OR8J1: variants seen among roughly 807,000 people sequenced by gnomAD.
The protein encoded by OR8J1 is olfactory receptor family 8 subfamily J member 1, also known as olfactory receptor 8J1.
For synonymous variants in OR8J1, 157 were observed against 144.3 expected (o/e 1.09, Z -0.63); for missense variants, 400 against 373.0 (o/e 1.07, Z -0.60).
rs759851747 is a variant in OR8J1, at chr11:56,361,189, AC to A, written c.944del (p.Thr315LysfsTer9). 1.5e-6 allele frequency: 2 copies of A among 1,305,486 alleles called. No homozygotes were observed. Among genetic ancestry groups the A allele is most frequent in the African/African-American group, 3.1e-5 (2 of 65,552 alleles). 80.9% of individuals were successfully genotyped at this position (1,305,486 alleles called of 1,614,324 possible). A position where few individuals can be genotyped will look rare whatever the true frequency, so the allele number is the denominator to read the frequency against. On this transcript the variant is annotated frameshift_variant, in exon 2 of 2. Transcript: ENST00000533152. LOFTEE classifies it high-confidence loss of function. ...GACAAATCTGTGCTATTCCTTTAAA[AC>A]AATGTAATTTTAAACAGTACAGGTA... is the stretch of plus-strand genomic sequence containing the variant. ...FMTNLCYSFK[T>X]M
rs1396884567 is a variant in OR8J1 at position 56,361,373 on chromosome 11, G to A, written c.*176G>A. ...ATTAAAAAATAAACTGAAACCCTTT[G>A]AGTTGTGAGGTTAAGTTAGAAAAAA... On this transcript the variant is annotated 3_prime_UTR_variant, in exon 2 of 2. Coordinates refer to ENST00000533152, the MANE Select transcript of OR8J1 (RefSeq NM_001005205.3). The A allele has an allele frequency of 7.6e-6, 3 of 395,878 alleles. No individual in the cohort carries two copies. The highest frequency in any genetic ancestry group is 4.4e-6 in the Non-Finnish European group (1 of 225,344). The allele number at this position is 395,878 out of a possible 1,614,324, so 24.5% of individuals were successfully genotyped here.
chr11:56,360,277 G>T lies in OR8J1; in HGVS notation c.31G>T (p.Glu11Ter). The T allele has an allele frequency of 6.3e-7, 1 of 1,589,190 alleles. No homozygotes were observed. Among genetic ancestry groups the T allele is most frequent in the South Asian group, 1.2e-5 (1 of 86,880 alleles). ...TCCTGAAAATTTCACCAGAGTCACT[G>T]AGTTTATTCTTACAGGTGTCTCTAG... is the stretch of plus-strand genomic sequence containing the variant. MAPENFTRVT[E>*]FILTGVSSCP... is the part of the protein sequence containing the mutation. Residue 11 changes from glutamate to a stop codon, truncating the protein, a stop_gained, in exon 2 of 2, where the codon GAG becomes TAG. Coordinates refer to ENST00000533152, the MANE Select transcript of OR8J1 (RefSeq NM_001005205.3). LOFTEE classifies it low-confidence loss of function (END_TRUNC).
chr11:56,359,603 T>C (rs1852606163), intron 1 of OR8J1, among the ~76,000 whole-genome samples: 1 of 152,048 alleles, frequency 6.6e-6, no homozygotes, highest in African/African-American at 2.4e-5. Flanking sequence ...TTCACCAATA[T>C]TATACATTGA....
intron 1 of OR8J1, among the ~76,000 whole-genome samples, chr11:56,359,519 G>A (rs894931241): frequency 2.0e-5 from 3 of 151,910 alleles, no homozygotes; most frequent in Non-Finnish European, 2.9e-5. Flanking sequence ...CCAACAAAAA[G>A]ACATGAGAAA....
chr11:56,358,617 C>G (rs1020430878), intron 1 of OR8J1, among the ~76,000 whole-genome samples: 7 of 152,130 alleles, frequency 4.6e-5, no homozygotes, highest in African/African-American at 1.7e-4. Context: ...TTAAAAAAGA[C>G]CTTCCCATAA....
chr11:56,357,615 G>A (rs1854987312), intron 1 of OR8J1: 1 of 1,311,088 alleles, frequency 7.6e-7, no homozygotes. Flanking sequence ...TTATGCTGCA[G>A]CCTATTGTAC....
intron 1 of OR8J1, among the ~76,000 whole-genome samples, chr11:56,355,496 C>T (rs760008860): frequency 5.3e-5 from 8 of 151,898 alleles, no homozygotes; most frequent in South Asian, 4.2e-4. Flanking sequence ...GATATGGTGG[C>T]GCCCGCCTGT....
At chr11:56,356,682 A>C (rs890832358) in intron 1 of OR8J1, among the ~76,000 whole-genome samples, 7 of 152,190 alleles carry the variant, frequency 4.6e-5, no homozygotes, top group Admixed American at 4.6e-4. Context: ...ACAAGTTAGG[A>C]ATTTTGATTA....
In OR8J1 at chr11:56,360,971, C is replaced by A; in HGVS notation, c.725C>A (p.Ala242Asp). The stretch of plus-strand genomic sequence containing the variant: ...AGGAAAAAAGCCTTTTCTACCTGTG[C>A]TTCACATATGATGGCAGTCACAATT... ...EGRKKAFSTC[A>D]SHMMAVTIFY... The change falls in exon 2 of 2, where the codon GCT becomes GAT. Residue 242 changes from alanine (A) to aspartate (D), a missense_variant. Transcript: ENST00000533152. 2.0e-6 allele frequency: 3 copies of A among 1,477,482 alleles called. No individual in the cohort carries two copies. The highest frequency in any genetic ancestry group is 2.7e-6 in the Non-Finnish European group (3 of 1,118,264). 91.5% of individuals were successfully genotyped at this position (1,477,482 alleles called of 1,614,324 possible).
chr11:56,355,917 T>A (rs1044364532), intron 1 of OR8J1, among the ~76,000 whole-genome samples: 2 of 152,128 alleles, frequency 1.3e-5, no homozygotes, highest in Non-Finnish European at 2.9e-5. Context: ...AGATTCTACC[T>A]CTCACTAAAA....
chr11:56,355,124 G>A (rs781708135), intron 1 of OR8J1, among the ~76,000 whole-genome samples: 1 of 151,962 alleles, frequency 6.6e-6, no homozygotes, highest in Non-Finnish European at 1.5e-5. Flanking sequence ...ACCTAAAATA[G>A]CATGTTCAAA....
rs1161398923 is a variant in OR8J1, at chr11:56,360,442, C to A, written c.196C>A (p.Leu66Met). ...QTPMYFFLQH[L>M]ALINLGNSTV... ...CCCCATGTACTTTTTCCTGCAACAT[C>A]TGGCTCTCATTAATCTTGGTAACTC... The change falls in exon 2 of 2, where the codon CTG (leucine) becomes ATG (methionine). Residue 66 changes from leucine to methionine, a missense_variant. Physicochemically the swap from Leu to Met is conservative, Grantham distance 15. Coordinates refer to ENST00000533152, the MANE Select transcript of OR8J1 (RefSeq NM_001005205.3). 6.2e-7 allele frequency: 1 copy of A among 1,614,046 alleles called. No homozygotes were observed. The highest frequency in any genetic ancestry group is 8.5e-7 in the Non-Finnish European group (1 of 1,180,028).
rs746056405 is a variant in OR8J1 at position 56,360,465 on chromosome 11, C to T, written c.219C>T (p.Asn73=). ...ATCTGGCTCTCATTAATCTTGGTAA[C>T]TCTACTGTCATTGCCCCTAAAATGC... ...LQHLALINLG[N]STVIAPKMLI... is the part of the protein sequence containing the mutation. Residue 73 remains asparagine (N), a synonymous_variant, in exon 2 of 2, where the codon AAC becomes AAT. Transcript: ENST00000533152. The T allele has an allele frequency of 6.2e-6, 10 of 1,614,026 alleles. No homozygotes were observed. Among genetic ancestry groups the T allele is most frequent in the Admixed American group, 5.0e-5 (3 of 59,974 alleles).
At chr11:56,357,196 A>C in intron 1 of OR8J1, 1 of 230,068 alleles carries the variant, frequency 4.3e-6, no homozygotes, top group South Asian at 9.4e-5. Context: ...TCTTTACAAC[A>C]AGAGTAATCT....
At position 56,360,853 on chromosome 11, in the gene OR8J1, GC is replaced by G; in HGVS notation, c.608del (p.Ala203GlufsTer9). ...YLPETVVFIS[A>X]ATNVVGSLII... is the part of the protein sequence containing the mutation. ...ACCAGAAACAGTTGTCTTTATATCT[GC>G]AGCAACAAATGTGGTTGGTTCCTTG... On this transcript the variant is annotated frameshift_variant, in exon 2 of 2. Transcript: ENST00000533152. LOFTEE classifies it low-confidence loss of function (END_TRUNC). 2.0e-6 allele frequency: 3 copies of G among 1,501,842 alleles called. No homozygotes were observed. The highest frequency in any genetic ancestry group is 2.7e-6 in the Non-Finnish European group (3 of 1,130,240). The allele number at this position is 1,501,842 out of a possible 1,614,324, so 93.0% of individuals were successfully genotyped here.
At chr11:56,356,945 A>T (rs925143866) in intron 1 of OR8J1, among the ~76,000 whole-genome samples, 3 of 152,080 alleles carry the variant, frequency 2.0e-5, no homozygotes, top group African/African-American at 7.2e-5. Flanking sequence ...TAAATCCCCC[A>T]TCTGTCATTC....
At chr11:56,355,362 A>T (rs766637070) in intron 1 of OR8J1, among the ~76,000 whole-genome samples, 2 of 152,104 alleles carry the variant, frequency 1.3e-5, no homozygotes, top group Non-Finnish European at 2.9e-5. Context: ...AGGACCAGGC[A>T]TGCTGGCTTA....
Position 56,361,083 on chromosome 11 carries a change from C to G in OR8J1, c.837C>G (p.Tyr279Ter). The G allele has an allele frequency of 6.6e-7, 1 of 1,517,486 alleles. No individual in the cohort carries two copies. The highest frequency in any genetic ancestry group is 2.3e-5 in the Admixed American group (1 of 43,398). The allele number at this position is 1,517,486 out of a possible 1,614,324, so 94.0% of individuals were successfully genotyped here. A position where few individuals can be genotyped will look rare whatever the true frequency, so the allele number is the denominator to read the frequency against. ...DTDDKMASVF[Y>*]TLVIPMLNPL... ...ATGATAAGATGGCTTCTGTGTTTTACACGTTGGTAATTCCTATGCTGAATC... is the reference window on the plus strand; with the variant it reads ...ATGATAAGATGGCTTCTGTGTTTTAGACGTTGGTAATTCCTATGCTGAATC... The change falls in exon 2 of 2, where the codon TAC (tyrosine) becomes TAG (stop). Residue 279 changes from tyrosine to a stop codon, truncating the protein, a stop_gained. Coordinates refer to ENST00000533152, the MANE Select transcript of OR8J1 (RefSeq NM_001005205.3). LOFTEE classifies it low-confidence loss of function (END_TRUNC).
chr11:56,354,655 A>G (rs1854944225), intron 1 of OR8J1, among the ~76,000 whole-genome samples: 1 of 152,186 alleles, frequency 6.6e-6, no homozygotes. Flanking sequence ...AATATTATTT[A>G]CAATAAAAAT....
Sources: allele counts gnomAD v4.1 joint callset (sites outside exome capture counted in the v4.1 genomes callset), GRCh38; gene constraint gnomAD v4.1.1; transcripts MANE v1.5; gene names NCBI Gene and HGNC (gene_info 2026-07-23, HGNC 2026-07-21).